The following ZNF532 variants were observed in gnomAD, a reference collection of about 807,000 sequenced individuals.
ZNF532 encodes the protein zinc finger protein 532.
ZNF532 carries 22 observed loss-of-function variants against 89.3 expected under a neutral mutation model. The ratio of observed to expected loss-of-function variants is 0.25; its 90% CI spans 0.18 to 0.35. The LOEUF is 0.35. Among genes scored for constraint, ZNF532 ranks in the 10% least tolerant of loss-of-function variants. ZNF532 has a pLI of 1.00. For missense variants in ZNF532, 1,132 were observed against 1,643.4 expected, an observed-to-expected ratio of 0.69 and a Z score of 5.38; for synonymous variants, 606 against 649.6, an observed-to-expected ratio of 0.93 and a Z score of 1.02.
intron 2 of ZNF532, among the ~76,000 whole-genome samples, chr18:58,907,854 C>T (rs946999283): frequency 6.6e-6 from 1 of 152,190 alleles, no homozygotes; most frequent in African/African-American, 2.4e-5. Context: ...CCAGTCCTTC[C>T]CCATAAAGAT....
chr18:58,889,491 G>A (rs1432897624), intron 2 of ZNF532, among the ~76,000 whole-genome samples: 1 of 152,212 alleles, frequency 6.6e-6, no homozygotes, highest in Non-Finnish European at 1.5e-5. Context: ...CAGAAGTGGA[G>A]TGGGTGTTTA....
intron 2 of ZNF532, among the ~76,000 whole-genome samples, chr18:58,909,829 ACTAG>A (rs2060173783): frequency 6.6e-6 from 1 of 152,246 alleles, no homozygotes; most frequent in Admixed American, 6.5e-5. Flanking sequence ...ACCTCAGGTC[ACTAG>A]CTAATAGTAG....
intron 2 of ZNF532, among the ~76,000 whole-genome samples, chr18:58,884,487 G>A (rs536661904): frequency 1.4e-3 from 213 of 151,712 alleles, no homozygotes; most frequent in Non-Finnish European, 2.7e-3. Context: ...AGGACCTAAC[G>A]CACAAAAATG....
At chr18:58,953,221 A>G (rs2064397913) in intron 6 of ZNF532, 1 of 223,800 alleles carries the variant, frequency 4.5e-6, no homozygotes, top group Non-Finnish European at 8.7e-6. Flanking sequence ...TTACAGGAAG[A>G]TAAAGTACCA....
chr18:58,951,303 CT>C (rs568505832), intron 6 of ZNF532, among the ~76,000 whole-genome samples: 318 of 152,230 alleles, frequency 2.1e-3, no homozygotes, highest in African/African-American at 7.4e-3. Context: ...CTTGTTGCTT[CT>C]TTTCTGTAAT....
In ZNF532 at chr18:58,894,792, T is replaced by C. The variant is rs1278146006; in HGVS notation, c.-17-23479T>C. On this transcript the variant is annotated intron_variant, in intron 2 of 9. Transcript: ENST00000591808. Reference sequence around the variant, plus strand: ...TTTCTAGATATTTTAGCATATTTTCTAGGTTAATGTTGTTGTCTACTTGGA... The same window carrying C: ...TTTCTAGATATTTTAGCATATTTTCCAGGTTAATGTTGTTGTCTACTTGGA... Among the ~76,000 whole-genome samples, 2 of 152,230 alleles carry C rather than the reference T, an allele frequency of 1.3e-5. 1 individual carries two copies.
rs752523895 is a variant in ZNF532 at position 58,919,810 on chromosome 18, C to T, written c.1523C>T (p.Pro508Leu). 3.7e-6 allele frequency: 6 copies of T among 1,614,024 alleles called. No individual in the cohort carries two copies. Among genetic ancestry groups the T allele is most frequent in the Non-Finnish European group, 5.1e-6 (6 of 1,179,898 alleles). ...ATCCAGCAGCAAACTGTCGTGGTGC[C>T]GGCATCCAGCCTGGCCAATGCCAAA... ...NAIQQQTVVV[P>L]ASSLANAKLV... is the part of the protein sequence containing the mutation. The change falls in exon 3 of 10, where the codon CCG (proline) becomes CTG (leucine). Residue 508 changes from proline (P) to leucine (L), a missense_variant. By Grantham distance (98) the Pro-to-Leu change is moderately conservative. Coordinates refer to ENST00000591808, the MANE Select transcript of ZNF532 (RefSeq NM_001375912.1). The surrounding 1 kb of genome is among the most constrained non-coding windows in gnomAD (Gnocchi z 6.1).
chr18:58,872,338 C>T (rs2057053536), intron 2 of ZNF532, among the ~76,000 whole-genome samples: 1 of 152,158 alleles, frequency 6.6e-6, no homozygotes, highest in South Asian at 2.1e-4. Context: ...TACCATCAGC[C>T]TTTGCATTTT....
intron 7 of ZNF532, among the ~76,000 whole-genome samples, chr18:58,962,224 T>TA (rs756921719): frequency 0.048 from 6,630 of 139,370 alleles, 451 homozygotes; most frequent in African/African-American, 0.16. Context: ...AGACTCTGTC[T>TA]AAAAAAAAAA....
At position 58,944,979 on chromosome 18, in the gene ZNF532, G is replaced by A. The variant is rs372380015; in HGVS notation, c.2706-3088G>A. On this transcript the variant is annotated intron_variant, in intron 5 of 9. Transcript: ENST00000591808. The stretch of plus-strand genomic sequence containing the variant: ...AAAGGAACTTGTGTAAGTAACCTCC[G>A]TGCAGCCCCCCAGTCAGGAAGTCAT... 4.6e-5 allele frequency among the ~76,000 whole-genome samples: 7 copies of A among 152,206 alleles called. No homozygotes were observed. In the South Asian group the frequency reaches 1.2e-3, roughly 27 times the overall value.
chr18:58,923,875 G>A (rs1034134540), intron 3 of ZNF532, among the ~76,000 whole-genome samples: 1 of 141,900 alleles, frequency 7.0e-6, no homozygotes, highest in East Asian at 2.0e-4. Flanking sequence ...TTTTTTTTTT[G>A]AGATGGAGTC....
chr18:58,984,641 G>C lies in ZNF532; in HGVS notation c.*175G>C. On this transcript the variant is annotated 3_prime_UTR_variant, in exon 10 of 10. Coordinates refer to ENST00000591808, the MANE Select transcript of ZNF532 (RefSeq NM_001375912.1). ...TATATCCTCGATAAGTATTAAAACAGTATTTGAGTTTAAAAGAGTTTGTAT... is the reference window on the plus strand; with the variant it reads ...TATATCCTCGATAAGTATTAAAACACTATTTGAGTTTAAAAGAGTTTGTAT... 1.5e-6 allele frequency: 1 copy of C among 680,876 alleles called. No homozygotes were observed. The highest frequency in any genetic ancestry group is 2.3e-6 in the Non-Finnish European group (1 of 428,512). The allele number at this position is 680,876 out of a possible 1,614,324, so 42.2% of individuals were successfully genotyped here.
At chr18:58,892,258 A>G (rs149345573) in intron 2 of ZNF532, among the ~76,000 whole-genome samples, 177 of 152,340 alleles carry the variant, frequency 1.2e-3, no homozygotes, top group African/African-American at 4.1e-3. Context: ...TTATGAAGAA[A>G]GGTTGTTCTT....
At chr18:58,878,275 C>T (rs571259369) in intron 2 of ZNF532, among the ~76,000 whole-genome samples, 3 of 117,468 alleles carry the variant, frequency 2.6e-5, no homozygotes, top group African/African-American at 7.4e-5. Context: ...AAAAACAAAA[C>T]GAAAAAAAAC....
chr18:58,884,979 G>GTTTTTTTTTTTT (rs34689408), intron 2 of ZNF532, among the ~76,000 whole-genome samples: 3 of 138,102 alleles, frequency 2.2e-5, no homozygotes, highest in Non-Finnish European at 3.1e-5. Context: ...CAGTACAAGG[G>GTTTTTTTTTTTT]TTTTTTTTTT....
At chr18:58,925,928 A>G (rs1403497112) in intron 3 of ZNF532, among the ~76,000 whole-genome samples, 2 of 152,138 alleles carry the variant, frequency 1.3e-5, no homozygotes, top group African/African-American at 4.8e-5. Context: ...TGGATTCTTT[A>G]TTCTGTTCCA....
At chr18:58,926,159 A>G (rs900205074) in intron 3 of ZNF532, 1 of 152,226 alleles carries the variant, frequency 6.6e-6, no homozygotes, top group Non-Finnish European at 1.5e-5. Flanking sequence ...TTAAACCTGC[A>G]TATCAGTTTG....
intron 3 of ZNF532, among the ~76,000 whole-genome samples, chr18:58,925,509 G>A (rs2061451895): frequency 6.6e-6 from 1 of 152,160 alleles, no homozygotes; most frequent in African/African-American, 2.4e-5. Flanking sequence ...TCTTGATAGA[G>A]CCTAGATACT....
intron 5 of ZNF532, among the ~76,000 whole-genome samples, chr18:58,942,511 T>TA (rs1293655409): frequency 6.6e-6 from 1 of 152,038 alleles, no homozygotes; most frequent in African/African-American, 2.4e-5. Context: ...AAAGATAAGT[T>TA]AATCGCATGG....
Sources: gnomAD v4.1 joint callset for allele counts (sites outside exome capture counted in the v4.1 genomes callset) on GRCh38, gnomAD v4.1.1 for gene constraint, Gnocchi (gnomAD v3.1) non-coding constraint, MANE v1.5 for transcripts, NCBI Gene and HGNC (gene_info 2026-07-23, HGNC 2026-07-21) for gene names.